The following ZNF654 variants were observed in gnomAD, a reference collection of about 807,000 sequenced individuals.
ZNF654 encodes the protein melanoma-associated antigen.
In ZNF654, 19 loss-of-function variants were observed where a neutral mutation model predicts 95.3. That is an observed-to-expected ratio of 0.20 (90% CI 0.14 to 0.29). The LOEUF is 0.29. Ranked by LOEUF, ZNF654 falls within the 10% of genes least tolerant of loss-of-function variation. ZNF654 has a pLI of 1.00. For missense variants in ZNF654, 1,046 were observed against 1,341.0 expected (o/e 0.78, Z 3.44); for synonymous variants, 413 against 457.9 (o/e 0.90, Z 1.25).
chr3:88,097,689 C>A (rs1384522981), intron 2 of ZNF654, among the ~76,000 whole-genome samples: 1 of 152,088 alleles, frequency 6.6e-6, no homozygotes, highest in Non-Finnish European at 1.5e-5. Flanking sequence ...CACTCAAAAC[C>A]GCTCAACTAC....
intron 1 of ZNF654, among the ~76,000 whole-genome samples, chr3:88,084,809 A>G (rs1341982749): frequency 6.6e-6 from 1 of 152,188 alleles, no homozygotes; most frequent in East Asian, 1.9e-4. Context: ...GCCCCTTGCT[A>G]CCTCAAGTCT....
At chr3:88,119,187 A>G (rs1436710611) in intron 3 of ZNF654, among the ~76,000 whole-genome samples, 1 of 148,248 alleles carries the variant, frequency 6.7e-6, no homozygotes, top group Non-Finnish European at 1.5e-5. Context: ...CATACACACC[A>G]TGGAATACTA....
chr3:88,098,452 A>G (rs1443594132), intron 2 of ZNF654, among the ~76,000 whole-genome samples: 1 of 152,224 alleles, frequency 6.6e-6, no homozygotes, highest in Non-Finnish European at 1.5e-5. Context: ...ATCAATAGAA[A>G]AAGAGGGAAT....
intron 2 of ZNF654, among the ~76,000 whole-genome samples, chr3:88,102,259 T>C (rs1258806789): frequency 6.6e-5 from 10 of 152,158 alleles, no homozygotes; most frequent in Admixed American, 4.6e-4. Context: ...CTCAAAAAAC[T>C]TTTTAGAAAC....
chr3:88,100,361 T>A (rs1237599341), intron 2 of ZNF654, among the ~76,000 whole-genome samples: 1 of 152,144 alleles, frequency 6.6e-6, no homozygotes, highest in Non-Finnish European at 1.5e-5. Flanking sequence ...AGGAACACTT[T>A]TACACTGTTG....
chr3:88,081,729 A>G (rs1345320344), intron 1 of ZNF654, among the ~76,000 whole-genome samples: 6 of 152,154 alleles, frequency 3.9e-5, no homozygotes, highest in East Asian at 1.9e-4. Flanking sequence ...TGGCACCACA[A>G]CAAGTTCCAG....
intron 2 of ZNF654, among the ~76,000 whole-genome samples, chr3:88,096,992 A>G (rs191041489): frequency 6.6e-6 from 1 of 152,294 alleles, no homozygotes; most frequent in African/African-American, 2.4e-5. Context: ...CCATCAGCAT[A>G]GAAAGAACAC....
At chr3:88,089,490 T>A (rs1360653990) in intron 2 of ZNF654, among the ~76,000 whole-genome samples, 2 of 147,646 alleles carry the variant, frequency 1.4e-5, no homozygotes, top group South Asian at 2.1e-4. Context: ...AAACTCTGTT[T>A]AAAAAAAAAA....
chr3:88,075,067 A>G (rs1707725808), intron 1 of ZNF654, among the ~76,000 whole-genome samples: 1 of 152,210 alleles, frequency 6.6e-6, no homozygotes, highest in Non-Finnish European at 1.5e-5. Context: ...ACAAATTTCC[A>G]TGGACGGTAG....
intron 1 of ZNF654, among the ~76,000 whole-genome samples, chr3:88,081,247 T>C (rs530546607): frequency 2.6e-5 from 4 of 152,338 alleles, no homozygotes; most frequent in South Asian, 2.1e-4. Context: ...ATGTATTTTA[T>C]TATATAGTTC....
intron 8 of ZNF654, among the ~76,000 whole-genome samples, chr3:88,141,378 C>A (rs975265390): frequency 6.6e-6 from 1 of 151,914 alleles, no homozygotes; most frequent in Non-Finnish European, 1.5e-5. Flanking sequence ...TTCCAAGTTT[C>A]ATATAATAAA....
At chr3:88,106,988 C>G (rs1362808937) in intron 2 of ZNF654, among the ~76,000 whole-genome samples, 1 of 152,130 alleles carries the variant, frequency 6.6e-6, no homozygotes, top group Admixed American at 6.5e-5. Context: ...CGTGTGCCAA[C>G]ACAATGTTGA....
intron 1 of ZNF654, among the ~76,000 whole-genome samples, chr3:88,066,289 C>T (rs571454311): frequency 8.7e-4 from 132 of 152,234 alleles, no homozygotes; most frequent in Admixed American, 5.9e-4. Flanking sequence ...AAAATCTATC[C>T]GTGCCAGGGT....
intron 1 of ZNF654, among the ~76,000 whole-genome samples, chr3:88,084,594 G>T (rs1006084708): frequency 2.0e-5 from 3 of 152,142 alleles, no homozygotes; most frequent in African/African-American, 7.2e-5. Flanking sequence ...TTATCTGTAT[G>T]TGTTCCCAGA....
chr3:88,093,850 T>C (rs537846442), intron 2 of ZNF654, among the ~76,000 whole-genome samples: 1 of 152,316 alleles, frequency 6.6e-6, no homozygotes, highest in Admixed American at 6.5e-5. Context: ...AAGGTACATT[T>C]GTTTTTTGCG....
intron 2 of ZNF654, among the ~76,000 whole-genome samples, chr3:88,110,995 T>C (rs1389217215): frequency 6.6e-6 from 1 of 152,060 alleles, no homozygotes; most frequent in Non-Finnish European, 1.5e-5. Flanking sequence ...CTACCATCTG[T>C]GCTTTAGATA....
At chr3:88,094,343 C>T (rs1329522839) in intron 2 of ZNF654, among the ~76,000 whole-genome samples, 2 of 152,000 alleles carry the variant, frequency 1.3e-5, no homozygotes, top group Non-Finnish European at 2.9e-5. Context: ...GTCTTTATTG[C>T]TCCTTTTATT....
At chr3:88,060,951 T>A (rs1317839235) in intron 1 of ZNF654, among the ~76,000 whole-genome samples, 4 of 152,182 alleles carry the variant, frequency 2.6e-5, no homozygotes, top group Non-Finnish European at 5.9e-5. Flanking sequence ...AAGAAGTTGG[T>A]TTGAAGAGTA....
At chr3:88,087,928 G>A (rs746665144) in intron 2 of ZNF654, among the ~76,000 whole-genome samples, 4 of 152,070 alleles carry the variant, frequency 2.6e-5, no homozygotes, top group Admixed American at 6.6e-5. Context: ...GAGTGCTAAC[G>A]TGATACTCAA....
Sources: gnomAD v4.1 joint callset for allele counts (sites outside exome capture counted in the v4.1 genomes callset) on GRCh38, gnomAD v4.1.1 for gene constraint, MANE v1.5 for transcripts, NCBI Gene and HGNC (gene_info 2026-07-23, HGNC 2026-07-21) for gene names.